Variants in FHIT observed in about 807,000 individuals in gnomAD.
FHIT encodes the protein fragile histidine triad diadenosine triphosphatase.
In FHIT, 19 loss-of-function variants were observed where a neutral mutation model predicts 17.9. The ratio of observed to expected loss-of-function variants is 1.06; its 90% CI spans 0.74 to 1.56. The LOEUF (loss-of-function observed/expected upper bound fraction) is 1.56. FHIT is among the 40% of genes most tolerant of loss of function. The pLI is 0.00. For synonymous variants in FHIT, 81 were observed against 69.7 expected (o/e 1.16, Z -0.81); for missense variants, 248 against 189.2 (o/e 1.31, Z -1.82).
chr3:60,482,685 A>G (rs188156747), intron 5 of FHIT, among the ~76,000 whole-genome samples: 62 of 152,264 alleles, frequency 4.1e-4, no homozygotes, highest in African/African-American at 1.4e-3. Flanking sequence ...CCCAGTGTTA[A>G]GAGGAAAATT....
intron 3 of FHIT, among the ~76,000 whole-genome samples, chr3:60,908,813 A>C (rs1706568959): frequency 6.6e-6 from 1 of 152,162 alleles, no homozygotes; most frequent in African/African-American, 2.4e-5. Flanking sequence ...GAGAAGCTGT[A>C]ATAGCAGAGC....
intron 3 of FHIT, among the ~76,000 whole-genome samples, chr3:60,892,401 C>T (rs1265788913): frequency 6.6e-6 from 1 of 152,202 alleles, no homozygotes; most frequent in East Asian, 1.9e-4. Flanking sequence ...CCCTCTCCCA[C>T]CACACACCCT....
intron 2 of FHIT, among the ~76,000 whole-genome samples, chr3:61,109,087 T>G (rs9866093): frequency 0.16 from 24,751 of 152,146 alleles, 2,272 homozygotes; most frequent in African/African-American, 0.24. Flanking sequence ...AGTGAACATT[T>G]TATTGGAGGT....
intron 4 of FHIT, among the ~76,000 whole-genome samples, chr3:60,646,403 C>A (rs949730299): frequency 6.6e-6 from 1 of 152,134 alleles, no homozygotes; most frequent in South Asian, 2.1e-4. Flanking sequence ...GAAAAAAATT[C>A]TCTCATAGTT....
At chr3:60,195,173 A>G (rs1458475342) in intron 5 of FHIT, among the ~76,000 whole-genome samples, 1 of 152,040 alleles carries the variant, frequency 6.6e-6, no homozygotes. Context: ...TCTCAAAAAA[A>G]CAAAAACAAA....
intron 7 of FHIT, among the ~76,000 whole-genome samples, chr3:59,956,021 T>A (rs1439975605): frequency 2.0e-5 from 3 of 152,228 alleles, no homozygotes; most frequent in Admixed American, 1.3e-4. Flanking sequence ...TTCTTCAAAC[T>A]TCTCCAGGAT....
At chr3:60,630,969 A>G (rs2039426613) in intron 4 of FHIT, among the ~76,000 whole-genome samples, 1 of 148,678 alleles carries the variant, frequency 6.7e-6, no homozygotes, top group South Asian at 2.2e-4. Context: ...CACAGAAATA[A>G]CTGAGTAAAA....
At chr3:60,010,485 G>A (rs1406409084) in intron 7 of FHIT, among the ~76,000 whole-genome samples, 2 of 152,274 alleles carry the variant, frequency 1.3e-5, no homozygotes, top group African/African-American at 4.8e-5. Context: ...GGGAACTTAC[G>A]TTTATTTGGC....
chr3:60,943,716 G>T (rs1354020233), intron 3 of FHIT, among the ~76,000 whole-genome samples: 3 of 152,122 alleles, frequency 2.0e-5, no homozygotes, highest in Non-Finnish European at 4.4e-5. Context: ...ACCATAGCAA[G>T]CATTGCTGTA....
At chr3:60,096,845 A>AG (rs1226040072) in intron 5 of FHIT, among the ~76,000 whole-genome samples, 1 of 151,990 alleles carries the variant, frequency 6.6e-6, no homozygotes, top group Non-Finnish European at 1.5e-5. Context: ...AGGCTGGGGA[A>AG]GGGGCAGGAG....
At chr3:60,656,614 A>ACCTC (rs1374549008) in intron 4 of FHIT, among the ~76,000 whole-genome samples, 1 of 151,622 alleles carries the variant, frequency 6.6e-6, no homozygotes, top group Admixed American at 6.6e-5. Flanking sequence ...TCCACCCTCC[A>ACCTC]CCTCCCCAGG....
chr3:60,114,976 A>G (rs1704889277), intron 5 of FHIT, among the ~76,000 whole-genome samples: 1 of 152,158 alleles, frequency 6.6e-6, no homozygotes, highest in Non-Finnish European at 1.5e-5. Flanking sequence ...TTCAACAAAC[A>G]ATGGCTAACT....
chr3:59,758,571 G>A (rs915430400), intron 8 of FHIT, among the ~76,000 whole-genome samples: 43 of 152,188 alleles, frequency 2.8e-4, no homozygotes, highest in African/African-American at 9.2e-4. Context: ...AAGTCTCAGC[G>A]GACTAGTACG....
chr3:60,202,095 T>C, intron 5 of FHIT, among the ~76,000 whole-genome samples: 1 of 152,216 alleles, frequency 6.6e-6, no homozygotes, highest in South Asian at 2.1e-4. Context: ...TCCATAAAAA[T>C]GAACAAAGTG....
At chr3:60,927,333 T>A (rs908610515) in intron 3 of FHIT, among the ~76,000 whole-genome samples, 28 of 152,288 alleles carry the variant, frequency 1.8e-4, no homozygotes, top group Non-Finnish European at 3.4e-4. Flanking sequence ...TGCAGTGGCG[T>A]GAACCTCCAC....
intron 4 of FHIT, among the ~76,000 whole-genome samples, chr3:60,593,049 A>G (rs532230631): frequency 6.6e-6 from 1 of 152,268 alleles, no homozygotes; most frequent in East Asian, 1.9e-4. Flanking sequence ...AAGCCTGCCC[A>G]TCGCTGGGTA....
At chr3:60,417,832 G>A (rs1702308450) in intron 5 of FHIT, among the ~76,000 whole-genome samples, 1 of 152,134 alleles carries the variant, frequency 6.6e-6, no homozygotes, top group Non-Finnish European at 1.5e-5. Context: ...AGCATCTCAG[G>A]CTGTAATGGA....
intron 3 of FHIT, among the ~76,000 whole-genome samples, chr3:61,006,873 A>G (rs1228553104): frequency 1.3e-5 from 2 of 152,218 alleles, no homozygotes; most frequent in Non-Finnish European, 1.5e-5. Flanking sequence ...TTTGATCTAT[A>G]ATATTAAGCT....
intron 5 of FHIT, among the ~76,000 whole-genome samples, chr3:60,211,441 T>G (rs1039367241): frequency 6.6e-6 from 1 of 152,250 alleles, no homozygotes. Context: ...ATCATAAATA[T>G]TCTACATAAT....
Sources: gnomAD v4.1 joint callset for allele counts (sites outside exome capture counted in the v4.1 genomes callset) on GRCh38, gnomAD v4.1.1 for gene constraint, MANE v1.5 for transcripts, NCBI Gene and HGNC (gene_info 2026-07-23, HGNC 2026-07-21) for gene names.